Variants in CDH4 observed in about 807,000 individuals in gnomAD.
The protein encoded by CDH4 is cadherin-4.
A neutral mutation model predicts 86.0 loss-of-function variants in CDH4; 33 were observed. The ratio of observed to expected loss-of-function variants is 0.38; its 90% CI spans 0.29 to 0.51. The LOEUF is 0.51. CDH4 is among the 20% of genes least tolerant of loss of function. CDH4 has a pLI of 0.86. For synonymous variants in CDH4, 555 were observed against 549.4 expected, an observed-to-expected ratio of 1.01 and a Z score of -0.14; for missense variants, 1,114 against 1,307.4, an observed-to-expected ratio of 0.85 and a Z score of 2.28.
intron 2 of CDH4, among the ~76,000 whole-genome samples, chr20:61,360,486 A>G (rs567987973): frequency 2.6e-5 from 4 of 152,310 alleles, no homozygotes; most frequent in African/African-American, 9.6e-5. Flanking sequence ...AGTAGCTGTG[A>G]GCCAGATGGA....
chr20:61,575,204 A>C (rs111826881), intron 2 of CDH4, among the ~76,000 whole-genome samples: 310 of 152,254 alleles, frequency 2.0e-3, no homozygotes, highest in African/African-American at 7.1e-3. Context: ...GTTTCTCTCT[A>C]TTTCCACTAC....
chr20:61,861,950 C>T (rs942264619), intron 6 of CDH4, among the ~76,000 whole-genome samples: 1 of 152,314 alleles, frequency 6.6e-6, no homozygotes, highest in East Asian at 1.9e-4. Flanking sequence ...ATCCGCTCCT[C>T]AAGGTGCAGG....
At chr20:61,818,501 C>T (rs144355102) in intron 4 of CDH4, among the ~76,000 whole-genome samples, 2 of 152,012 alleles carry the variant, frequency 1.3e-5, no homozygotes, top group African/African-American at 2.4e-5. Flanking sequence ...ATAGCAAGGC[C>T]CTGTCTCTAC....
At chr20:61,694,725 T>C (rs2145876995) in intron 2 of CDH4, among the ~76,000 whole-genome samples, 1 of 152,258 alleles carries the variant, frequency 6.6e-6, no homozygotes, top group East Asian at 1.9e-4. Flanking sequence ...ATTTCCAGTC[T>C]CCTGCGTGCT....
intron 2 of CDH4, among the ~76,000 whole-genome samples, chr20:61,530,763 G>A (rs1251930950): frequency 6.6e-6 from 1 of 152,030 alleles, no homozygotes; most frequent in South Asian, 2.1e-4. Flanking sequence ...GCAGGTGAGC[G>A]CACAACAGAA....
At chr20:61,391,017 G>A (rs1297794015) in intron 2 of CDH4, among the ~76,000 whole-genome samples, 1 of 152,180 alleles carries the variant, frequency 6.6e-6, no homozygotes, top group East Asian at 1.9e-4. Context: ...TGGGGAAGAG[G>A]AGGCAGTGCC....
intron 9 of CDH4, among the ~76,000 whole-genome samples, chr20:61,917,072 C>T (rs533693976): frequency 2.6e-5 from 4 of 152,338 alleles, no homozygotes; most frequent in Admixed American, 6.5e-5. Context: ...TTCACTTCTG[C>T]GGTCCAGCTC....
chr20:61,311,160 G>A (rs964586806), intron 2 of CDH4, among the ~76,000 whole-genome samples: 6 of 151,950 alleles, frequency 3.9e-5, no homozygotes, highest in Non-Finnish European at 8.8e-5. Context: ...AATTCCAAGT[G>A]GATCAAACGT....
At chr20:61,654,144 T>C (rs1169373522) in intron 2 of CDH4, among the ~76,000 whole-genome samples, 2 of 152,126 alleles carry the variant, frequency 1.3e-5, no homozygotes, top group African/African-American at 4.8e-5. Context: ...CATTGAGCAC[T>C]GAGTGAACCA....
intron 2 of CDH4, among the ~76,000 whole-genome samples, chr20:61,697,594 T>C (rs56287257): frequency 0.093 from 14,208 of 152,038 alleles, 730 homozygotes; most frequent in East Asian, 0.17. Flanking sequence ...CAAGACTCCA[T>C]CTCGGGGCGG....
At chr20:61,543,452 G>A (rs977469969) in intron 2 of CDH4, among the ~76,000 whole-genome samples, 1 of 152,226 alleles carries the variant, frequency 6.6e-6, no homozygotes, top group Non-Finnish European at 1.5e-5. Context: ...GCAGTACTTG[G>A]TTGAGTGATA....
chr20:61,904,034 T>C (rs2054759337), intron 8 of CDH4, among the ~76,000 whole-genome samples: 2 of 152,244 alleles, frequency 1.3e-5, no homozygotes, highest in South Asian at 4.1e-4. Context: ...TGGAGGCATC[T>C]GAGTGGCCGC....
chr20:61,936,425 C>CCA lies in CDH4; in HGVS notation c.2545-311_2545-310insAC, dbSNP rs1555864138. ...CCCTCCCCCCTCTCCCACACCCCCCCCCCCATCTGCCCTTGGGTTGGGAGG... is the reference window on the plus strand; with the variant it reads ...CCCTCCCCCCTCTCCCACACCCCCCCCACCCCATCTGCCCTTGGGTTGGGAGG... On this transcript the variant is annotated intron_variant, in intron 15 of 15. Coordinates refer to ENST00000614565, the MANE Select transcript of CDH4 (RefSeq NM_001794.5). Among the ~76,000 whole-genome samples, 69 of 52,406 alleles carry CCA rather than the reference C, an allele frequency of 1.3e-3. 5 individuals are homozygous for CCA. The highest frequency in any genetic ancestry group is 5.1e-3 in the African/African-American group (57 of 11,198). 34.4% of individuals were successfully genotyped at this position (52,406 alleles called of 152,430 possible). A position where few individuals can be genotyped will look rare whatever the true frequency, so the allele number is the denominator to read the frequency against.
chr20:61,313,621 C>A (rs190331520), intron 2 of CDH4, among the ~76,000 whole-genome samples: 1 of 152,330 alleles, frequency 6.6e-6, no homozygotes, highest in Non-Finnish European at 1.5e-5. Flanking sequence ...CTGGGAACAT[C>A]ACAGGGGTGG....
At position 61,852,769 on chromosome 20, in the gene CDH4, G is replaced by T. The variant is rs762874572; in HGVS notation, c.748G>T (p.Val250Leu). The T allele has an allele frequency of 6.2e-7, 1 of 1,612,854 alleles. No individual in the cohort carries two copies. The highest frequency in any genetic ancestry group is 1.7e-5 in the Admixed American group (1 of 59,950). Residue 250 changes from valine (V) to leucine (L), a missense_variant, in exon 6 of 16, where the codon GTG becomes TTG. Val to Leu is a conservative substitution (Grantham distance 32, BLOSUM62 1). Transcript: ENST00000614565. ...GCTTTTCCAGCTCCGAGCCCACGCT[G>T]TGGACATGAATGGCAACAAGGTGGA... ...HASYHLRAHAVDMNGNKVENP... is the reference protein window; with the variant it reads ...HASYHLRAHALDMNGNKVENP...
At chr20:61,565,276 T>C (rs1470327484) in intron 2 of CDH4, among the ~76,000 whole-genome samples, 2 of 106,890 alleles carry the variant, frequency 1.9e-5, no homozygotes, top group Non-Finnish European at 3.9e-5. Context: ...GTGGTCCTCT[T>C]GGTGATGGGG....
chr20:61,875,989 C>A (rs954935602), intron 7 of CDH4, among the ~76,000 whole-genome samples: 1 of 152,254 alleles, frequency 6.6e-6, no homozygotes, highest in Non-Finnish European at 1.5e-5. Flanking sequence ...AGGCTGGCAC[C>A]TCTCTGGGAC....
rs533985401 is a variant in CDH4, at chr20:61,288,753, C to T, written c.169+33816C>T. Among the ~76,000 whole-genome samples, 14 of 152,354 alleles carry T rather than the reference C, an allele frequency of 9.2e-5. No homozygotes were observed. In the East Asian group the frequency reaches 1.5e-3, roughly 17 times the overall value. ...TGCCAGCGATTCGAGCACGCCTGCC[C>T]GGCGCTGACGTTGCCGGCTGCTCCA... is the stretch of plus-strand genomic sequence containing the variant. On this transcript the variant is annotated intron_variant, in intron 2 of 15. Transcript: ENST00000614565.
chr20:61,778,506 T>C (rs368823880), intron 4 of CDH4, among the ~76,000 whole-genome samples: 14 of 151,956 alleles, frequency 9.2e-5, no homozygotes, highest in African/African-American at 2.9e-4. Flanking sequence ...AACCTACTTG[T>C]AGAGAGGAAA....
Sources: allele counts gnomAD v4.1 joint callset (sites outside exome capture counted in the v4.1 genomes callset), GRCh38; gene constraint gnomAD v4.1.1; transcripts MANE v1.5; gene names NCBI Gene and HGNC (gene_info 2026-07-23, HGNC 2026-07-21).